Variants in CSRNP3 observed in about 807,000 individuals in gnomAD.
The protein encoded by CSRNP3 is cysteine/serine-rich nuclear protein 3.
Under a neutral mutation model 48.0 loss-of-function variants are expected in CSRNP3, and 12 were observed. The observed-to-expected ratio is 0.25, with a 90% confidence interval of 0.16 to 0.41. The LOEUF is 0.41. Ranked by LOEUF, CSRNP3 falls within the 10% of genes least tolerant of loss-of-function variation. CSRNP3 has a pLI of 1.00. For synonymous variants in CSRNP3, 263 were observed against 269.7 expected, an observed-to-expected ratio of 0.98 and a Z score of 0.24; for missense variants, 580 against 724.4, an observed-to-expected ratio of 0.80 and a Z score of 2.29.
intron 1 of CSRNP3, among the ~76,000 whole-genome samples, chr2:165,473,324 G>C (rs1268033515): frequency 6.6e-6 from 1 of 151,904 alleles, no homozygotes; most frequent in Non-Finnish European, 1.5e-5. Context: ...AATATAAGTA[G>C]ACAACTTTAC....
At chr2:165,470,470 G>A (rs1477887571) in intron 1 of CSRNP3, among the ~76,000 whole-genome samples, 1 of 152,002 alleles carries the variant, frequency 6.6e-6, no homozygotes. Context: ...GTAAAAAATA[G>A]CATCTTAACA....
intron 3 of CSRNP3, among the ~76,000 whole-genome samples, chr2:165,531,848 T>C (rs1341845379): frequency 6.6e-6 from 1 of 151,976 alleles, no homozygotes; most frequent in East Asian, 1.9e-4. Context: ...AAGACTCAAA[T>C]AGACGCAATA....
rs1179207568 is a variant in CSRNP3, at chr2:165,681,315, A to T, written c.*1562A>T. On this transcript the variant is annotated 3_prime_UTR_variant, in exon 7 of 7. Coordinates refer to ENST00000651982, the MANE Select transcript of CSRNP3 (RefSeq NM_001172173.2). ...TTTTATAACTATTTGAAATGCGGAC[A>T]TGACTTGCTATTCAGTGACTGCATC... 6.6e-6 allele frequency: 1 copy of T among 152,066 alleles called. No homozygotes were observed. Among genetic ancestry groups the T allele is most frequent in the Non-Finnish European group, 1.5e-5 (1 of 68,018 alleles). The allele number at this position is 152,066 out of a possible 1,614,324, so 9.4% of individuals were successfully genotyped here.
intron 5 of CSRNP3, among the ~76,000 whole-genome samples, chr2:165,662,855 A>C (rs1344056540): frequency 6.6e-6 from 1 of 152,108 alleles, no homozygotes; most frequent in African/African-American, 2.4e-5. Flanking sequence ...GCTTTTCAGA[A>C]TTATGTACTT....
intron 3 of CSRNP3, among the ~76,000 whole-genome samples, chr2:165,532,536 A>G (rs1187529869): frequency 6.6e-6 from 1 of 152,060 alleles, no homozygotes; most frequent in African/African-American, 2.4e-5. Flanking sequence ...CTTTCAATAA[A>G]TTAGGTATTG....
At chr2:165,606,480 T>C (rs1226303699) in intron 4 of CSRNP3, among the ~76,000 whole-genome samples, 1 of 151,570 alleles carries the variant, frequency 6.6e-6, no homozygotes, top group African/African-American at 2.4e-5. Context: ...GAAATTAAAA[T>C]TGAAAGAAGA....
chr2:165,512,415 G>C (rs116215631), intron 2 of CSRNP3, among the ~76,000 whole-genome samples: 98 of 152,220 alleles, frequency 6.4e-4, no homozygotes, highest in African/African-American at 2.3e-3. Flanking sequence ...TTTAAATAGA[G>C]AATTATTACC....
At chr2:165,665,775 A>AAGAGAGAG (rs10645178) in intron 5 of CSRNP3, among the ~76,000 whole-genome samples, 3,217 of 131,196 alleles carry the variant, frequency 0.025, 39 homozygotes, top group South Asian at 0.04. Flanking sequence ...AAAAGAAAGA[A>AAGAGAGAG]AGAGAGAGAG....
intron 4 of CSRNP3, among the ~76,000 whole-genome samples, chr2:165,631,366 C>T (rs1224482633): frequency 5.9e-5 from 9 of 152,116 alleles, no homozygotes; most frequent in South Asian, 2.1e-4. Flanking sequence ...CCAATGAAGG[C>T]GTTTTTATAT....
Position 165,679,908 on chromosome 2 carries a change from AT to A in CSRNP3, c.*156del. ...ATTTTGTTTTTTCCTTTCTAGCCAC[AT>A]GACTGTGGCATTGCACAAATACAGT... On this transcript the variant is annotated 3_prime_UTR_variant, in exon 7 of 7. Transcript: ENST00000651982. 1.3e-5 allele frequency: 13 copies of A among 1,036,652 alleles called. No homozygotes were observed. The highest frequency in any genetic ancestry group is 1.8e-5 in the Non-Finnish European group (13 of 715,780). 64.2% of individuals were successfully genotyped at this position (1,036,652 alleles called of 1,614,324 possible).
At chr2:165,532,575 TA>T (rs1235796941) in intron 3 of CSRNP3, among the ~76,000 whole-genome samples, 1 of 151,900 alleles carries the variant, frequency 6.6e-6, no homozygotes, top group African/African-American at 2.4e-5. Context: ...TAATAAGAGC[TA>T]TCTATGACAA....
At chr2:165,570,396 T>C (rs533967926) in intron 3 of CSRNP3, among the ~76,000 whole-genome samples, 1 of 152,178 alleles carries the variant, frequency 6.6e-6, no homozygotes, top group East Asian at 1.9e-4. Context: ...ATATTCCTTG[T>C]ATTTATTTTC....
intron 4 of CSRNP3, among the ~76,000 whole-genome samples, chr2:165,612,761 ATTATT>A (rs1686160504): frequency 1.3e-5 from 2 of 151,940 alleles, no homozygotes; most frequent in Admixed American, 6.5e-5. Context: ...ACAGGATTTT[ATTATT>A]TCATGGGTGA....
At chr2:165,540,600 T>C (rs77321779) in intron 3 of CSRNP3, among the ~76,000 whole-genome samples, 6 of 152,116 alleles carry the variant, frequency 3.9e-5, no homozygotes, top group Non-Finnish European at 8.8e-5. Context: ...TGGAGACTCA[T>C]GCAGACATTC....
chr2:165,609,967 A>C (rs1015229747), intron 4 of CSRNP3, among the ~76,000 whole-genome samples: 13 of 152,234 alleles, frequency 8.5e-5, no homozygotes, highest in Admixed American at 3.3e-4. Flanking sequence ...TGCTGGCATT[A>C]GTCCTAAAAT....
At chr2:165,546,003 T>C (rs1018047222) in intron 3 of CSRNP3, among the ~76,000 whole-genome samples, 2 of 152,104 alleles carry the variant, frequency 1.3e-5, no homozygotes, top group Non-Finnish European at 2.9e-5. Context: ...CTGCAGTACA[T>C]AAAGTTAATT....
At chr2:165,613,780 C>G (rs1363732068) in intron 4 of CSRNP3, among the ~76,000 whole-genome samples, 3 of 152,062 alleles carry the variant, frequency 2.0e-5, no homozygotes, top group African/African-American at 4.8e-5. Flanking sequence ...ATGCCAGTAC[C>G]ACACTATTTT....
At chr2:165,645,956 G>C (rs1482993727) in intron 4 of CSRNP3, among the ~76,000 whole-genome samples, 1 of 151,880 alleles carries the variant, frequency 6.6e-6, no homozygotes, top group Non-Finnish European at 1.5e-5. Flanking sequence ...TATTCCCCAG[G>C]CTAGTCTCGA....
At chr2:165,581,125 G>T (rs1230150711) in intron 3 of CSRNP3, among the ~76,000 whole-genome samples, 1 of 152,160 alleles carries the variant, frequency 6.6e-6, no homozygotes, top group African/African-American at 2.4e-5. Flanking sequence ...CCTTAGGGAA[G>T]AACTTTTGAC....
Sources: gnomAD v4.1 joint callset for allele counts (sites outside exome capture counted in the v4.1 genomes callset) on GRCh38, gnomAD v4.1.1 for gene constraint, MANE v1.5 for transcripts, NCBI Gene and HGNC (gene_info 2026-07-23, HGNC 2026-07-21) for gene names.